The following SLC41A2 variants were observed in gnomAD, a reference collection of about 807,000 sequenced individuals.
SLC41A2 encodes the protein solute carrier family 41 member 2, also known as SLC41A1-like 1.
Under a neutral mutation model 58.3 loss-of-function variants are expected in SLC41A2, and 32 were observed. That is an observed-to-expected ratio of 0.55 (90% CI 0.41 to 0.74). The LOEUF (loss-of-function observed/expected upper bound fraction) is 0.74, where lower values mean the gene tolerates loss of function less well. Among genes scored for constraint, SLC41A2 ranks in the 30% least tolerant of loss-of-function variants. The pLI, the probability that SLC41A2 is intolerant of heterozygous loss-of-function variation, is 0.00. For missense variants in SLC41A2, 514 were observed against 680.6 expected (o/e 0.76, Z 2.72); for synonymous variants, 190 against 235.0 (o/e 0.81, Z 1.75).
intron 2 of SLC41A2, among the ~76,000 whole-genome samples, chr12:104,912,847 T>G (rs940772654): frequency 6.6e-6 from 1 of 152,170 alleles, no homozygotes; most frequent in African/African-American, 2.4e-5. Context: ...AGAATTGAAT[T>G]GGAGAACACT....
intron 2 of SLC41A2, among the ~76,000 whole-genome samples, chr12:104,915,512 T>A (rs1478467848): frequency 1.3e-5 from 2 of 152,184 alleles, no homozygotes; most frequent in Non-Finnish European, 2.9e-5. Flanking sequence ...TTCCTAGGTA[T>A]TTTATTCTCT....
intron 5 of SLC41A2, among the ~76,000 whole-genome samples, chr12:104,887,396 A>T (rs1417000880): frequency 6.6e-6 from 1 of 151,564 alleles, no homozygotes; most frequent in Non-Finnish European, 1.5e-5. Context: ...ATAGCTTGTG[A>T]CTCTAGCCCA....
chr12:104,815,625 T>C (rs111316088), intron 10 of SLC41A2, among the ~76,000 whole-genome samples: 29 of 152,176 alleles, frequency 1.9e-4, no homozygotes, highest in Admixed American at 1.0e-3. Flanking sequence ...GAGGAAGGCT[T>C]AGAAATATGA....
chr12:104,927,810 A>C (rs2046903447), intron 2 of SLC41A2, among the ~76,000 whole-genome samples, 163 bp downstream of exon 2: 1 of 152,204 alleles, frequency 6.6e-6, no homozygotes, highest in Non-Finnish European at 1.5e-5. Flanking sequence ...AAAAACTCCC[A>C]CCTAGAAATA....
At chr12:104,866,253 T>C (rs987189602) in intron 7 of SLC41A2, among the ~76,000 whole-genome samples, 179 bp downstream of exon 7, 2 of 152,116 alleles carry the variant, frequency 1.3e-5, no homozygotes, top group East Asian at 3.8e-4. Flanking sequence ...TCCCTTGTTA[T>C]AATACCCGGG....
intron 10 of SLC41A2, among the ~76,000 whole-genome samples, chr12:104,812,641 T>C (rs554524276): frequency 6.8e-6 from 1 of 148,044 alleles, no homozygotes; most frequent in East Asian, 2.0e-4. Flanking sequence ...GAGAGAAAAA[T>C]GGGATTCAGG....
intron 3 of SLC41A2, among the ~76,000 whole-genome samples, chr12:104,900,882 A>G (rs934491871): frequency 6.6e-6 from 1 of 152,234 alleles, no homozygotes; most frequent in African/African-American, 2.4e-5. Context: ...TAAAGTTACT[A>G]GGGAAAGACA....
chr12:104,807,875 T>A (rs1262239632), intron 10 of SLC41A2, among the ~76,000 whole-genome samples: 1 of 152,158 alleles, frequency 6.6e-6, no homozygotes, highest in Non-Finnish European at 1.5e-5. Context: ...TTGTCTGTTA[T>A]TGGTGTATAA....
At chr12:104,930,920 C>G (rs1766978674) in intron 1 of SLC41A2, among the ~76,000 whole-genome samples, 1 of 152,358 alleles carries the variant, frequency 6.6e-6, no homozygotes, top group South Asian at 2.1e-4. Context: ...ACAGACACAT[C>G]CAGGTCATAC....
At chr12:104,943,775 G>T (rs2047604055) in intron 1 of SLC41A2, among the ~76,000 whole-genome samples, 1 of 152,216 alleles carries the variant, frequency 6.6e-6, no homozygotes, top group South Asian at 2.1e-4. Flanking sequence ...AAGCCTAGCT[G>T]GGAAGGTGAC....
intron 10 of SLC41A2, among the ~76,000 whole-genome samples, chr12:104,815,969 T>C (rs1234739882): frequency 6.6e-6 from 1 of 152,200 alleles, no homozygotes; most frequent in Non-Finnish European, 1.5e-5. Context: ...TTTGATCACC[T>C]ACCTTTTTTC....
At position 104,955,016 on chromosome 12, in the gene SLC41A2, CTTT is replaced by C. The variant is rs375969264; in HGVS notation, c.-168+3069_-168+3071del. Among the ~76,000 whole-genome samples, 18 of 79,164 alleles carry C rather than the reference CTTT, an allele frequency of 2.3e-4. No homozygotes were observed. In the East Asian group the frequency reaches 5.0e-3, roughly 22 times the overall value. 51.9% of individuals were successfully genotyped at this position (79,164 alleles called of 152,430 possible). On this transcript the variant is annotated intron_variant, in intron 1 of 10. Transcript: ENST00000258538. Reference sequence around the variant, plus strand: ...AACAGCCCCTGACTCTTGGCCCTTGCTTTTTTTTTTTTTTTTTTTTTTTTGAGT... The same window carrying C: ...AACAGCCCCTGACTCTTGGCCCTTGCTTTTTTTTTTTTTTTTTTTTTGAGT...
intron 1 of SLC41A2, among the ~76,000 whole-genome samples, chr12:104,937,855 G>T (rs2047345853): frequency 6.6e-6 from 1 of 152,108 alleles, no homozygotes; most frequent in Non-Finnish European, 1.5e-5. Context: ...ATTCAAAAAG[G>T]AATCATTTGA....
At chr12:104,860,906 G>C (rs1418805668) in intron 8 of SLC41A2, among the ~76,000 whole-genome samples, 3 of 152,062 alleles carry the variant, frequency 2.0e-5, no homozygotes, top group Non-Finnish European at 4.4e-5. Context: ...GATAAGCAAT[G>C]TTGAAACCCA....
intron 1 of SLC41A2, among the ~76,000 whole-genome samples, chr12:104,955,127 T>C (rs2048112371): frequency 6.7e-6 from 1 of 149,800 alleles, no homozygotes; most frequent in Non-Finnish European, 1.5e-5. Context: ...GCAATTCTCC[T>C]GCCTCAGCCT....
chr12:104,943,038 A>T (rs1162832425), intron 1 of SLC41A2, among the ~76,000 whole-genome samples: 1 of 152,202 alleles, frequency 6.6e-6, no homozygotes, highest in Non-Finnish European at 1.5e-5. Context: ...AAAATGCAAA[A>T]CCCACTCAAG....
At chr12:104,947,051 C>T (rs560760197) in intron 1 of SLC41A2, among the ~76,000 whole-genome samples, 2 of 152,180 alleles carry the variant, frequency 1.3e-5, no homozygotes, top group Non-Finnish European at 2.9e-5. Context: ...TATCATTATT[C>T]ATCACTATTA....
chr12:104,930,920 C>A (rs1766978674), intron 1 of SLC41A2, among the ~76,000 whole-genome samples: 1 of 152,240 alleles, frequency 6.6e-6, no homozygotes. Flanking sequence ...ACAGACACAT[C>A]CAGGTCATAC....
chr12:104,842,148 C>T (rs1417839028), intron 10 of SLC41A2, among the ~76,000 whole-genome samples: 1 of 152,024 alleles, frequency 6.6e-6, no homozygotes, highest in African/African-American at 2.4e-5. Context: ...GGAGTTATTT[C>T]TTCATTCTGT....
Sources: allele counts gnomAD v4.1 joint callset (sites outside exome capture counted in the v4.1 genomes callset), GRCh38; gene constraint gnomAD v4.1.1; transcripts MANE v1.5; gene names NCBI Gene and HGNC (gene_info 2026-07-23, HGNC 2026-07-21).